Variants in C16orf89 observed in about 807,000 individuals in gnomAD.
C16orf89 encodes chromosome 16 open reading frame 89.
In C16orf89, 57 loss-of-function variants were observed where a neutral mutation model predicts 41.5. The observed-to-expected ratio is 1.38, with a 90% CI of 1.11 to 1.71. The LOEUF (loss-of-function observed/expected upper bound fraction) is 1.71, where lower values mean the gene tolerates loss of function less well. Among genes scored for constraint, C16orf89 ranks in the 40% most tolerant of loss-of-function variants. C16orf89 has a pLI of 0.00. For missense variants in C16orf89, 575 were observed against 445.9 expected (o/e 1.29, Z -2.61); for synonymous variants, 223 against 190.6 (o/e 1.17, Z -1.40).
At chr16:5,056,002 G>GTGTGT in intron 5 of C16orf89, 51 bp downstream of exon 5, 1 of 1,123,896 alleles carries the variant, frequency 8.9e-7, no homozygotes, top group South Asian at 1.4e-5. Flanking sequence ...TGTGTGTGTT[G>GTGTGT]GTGGGGGGAC....
intron 1 of C16orf89, among the ~76,000 whole-genome samples, chr16:5,064,297 G>T (rs2142682699): frequency 6.6e-6 from 1 of 152,280 alleles, no homozygotes; most frequent in South Asian, 2.1e-4. Context: ...ATGGGACGTA[G>T]ACCCTGCCCA....
chr16:5,055,858 C>G (rs1488831756), intron 5 of C16orf89, 195 bp downstream of exon 5: 4 of 1,287,012 alleles, frequency 3.1e-6, no homozygotes, highest in Non-Finnish European at 4.3e-6. Context: ...TAAACTTATA[C>G]TAAAAATGGA....
intron 7 of C16orf89, among the ~76,000 whole-genome samples, chr16:5,045,572 A>G (rs1162390919): frequency 6.6e-6 from 1 of 152,114 alleles, no homozygotes; most frequent in African/African-American, 2.4e-5. Flanking sequence ...GCAGATTTCA[A>G]GGTGCCGAAT....
intron 7 of C16orf89, among the ~76,000 whole-genome samples, chr16:5,046,238 G>A (rs1487914807): frequency 6.6e-6 from 1 of 152,222 alleles, no homozygotes. Flanking sequence ...GAGATGTTTA[G>A]TTACTGGAAT....
At chr16:5,050,174 C>G (rs1458247775) in intron 6 of C16orf89, among the ~76,000 whole-genome samples, 2 of 152,056 alleles carry the variant, frequency 1.3e-5, no homozygotes, top group Non-Finnish European at 2.9e-5. Context: ...TCGAGACCAG[C>G]CTGGTCAATA....
Position 5,056,026 on chromosome 16 carries a change from G to T in C16orf89, c.763+27C>A, listed in dbSNP as rs374969779. 136 of 1,568,438 alleles carry T rather than the reference G, an allele frequency of 8.7e-5. 1 individual carries two copies. Among genetic ancestry groups the T allele is most frequent in the Admixed American group, 2.4e-4 (14 of 58,686 alleles). ...TGGTGGGGGGACACCCTGTTCCTTTGCCCCGGGGGCAGAATGCTGGCCATA... is the reference window on the plus strand; with the variant it reads ...TGGTGGGGGGACACCCTGTTCCTTTTCCCCGGGGGCAGAATGCTGGCCATA... On this transcript the variant is annotated intron_variant, in intron 5 of 7. Transcript: ENST00000472572.
intron 1 of C16orf89, among the ~76,000 whole-genome samples, chr16:5,064,348 G>A (rs1007261496): frequency 2.6e-5 from 4 of 152,170 alleles, no homozygotes; most frequent in Non-Finnish European, 4.4e-5. Context: ...TGAGGAAGCC[G>A]TTGCTGCTAG....
In C16orf89 at chr16:5,044,585, A is replaced by G. The variant is rs1433907039; in HGVS notation, c.956-107T>C. The G allele has an allele frequency of 2.6e-6, 4 of 1,536,880 alleles. No homozygotes were observed. The Admixed American group carries it at 7.8e-5, about 30-fold the overall frequency. On this transcript the variant is annotated intron_variant, in intron 7 of 7. Coordinates refer to ENST00000472572, the MANE Select transcript of C16orf89 (RefSeq NM_001098514.3). ...CAGCCAGACGCGGTGGCTCACACCTATAATCCCACACTTTGGGAGCCTGAG... is the reference window on the plus strand; with the variant it reads ...CAGCCAGACGCGGTGGCTCACACCTGTAATCCCACACTTTGGGAGCCTGAG...
chr16:5,044,358 C>G lies in C16orf89; in HGVS notation c.1076G>C (p.Ser359Thr), dbSNP rs2142587279. 6.2e-7 allele frequency: 1 copy of G among 1,605,982 alleles called. No individual in the cohort carries two copies. Among genetic ancestry groups the G allele is most frequent in the Middle Eastern group, 2.0e-4 (1 of 4,980 alleles). The change falls in exon 8 of 8, where the codon AGC becomes ACC. Residue 359 changes from serine to threonine, a missense_variant. Physicochemically the swap from Ser to Thr is moderately conservative, Grantham distance 58 (BLOSUM62 1). Coordinates refer to ENST00000472572, the MANE Select transcript of C16orf89 (RefSeq NM_001098514.3). ...ATGGAACCGTCCGTCTCAGCGGCTG[C>G]TTGGTGGTGGCGGTGTGGATGGGTG... Reference protein sequence around the residue: ...EPHPSTPPPPSSR With the variant: ...EPHPSTPPPPTSR
At chr16:5,047,494 G>T (rs1395991311) in intron 7 of C16orf89, among the ~76,000 whole-genome samples, 1 of 150,616 alleles carries the variant, frequency 6.6e-6, no homozygotes, top group Non-Finnish European at 1.5e-5. Context: ...TTGAGACAGG[G>T]TCTTGCTCTG....
chr16:5,057,882 CTCTT>C (rs1567156826), intron 4 of C16orf89, among the ~76,000 whole-genome samples: 1 of 151,960 alleles, frequency 6.6e-6, no homozygotes, highest in Non-Finnish European at 1.5e-5. Context: ...CTTTTATTCT[CTCTT>C]TCTCTCTCTC....
rs1028456080 is a variant in C16orf89 at position 5,062,292 on chromosome 16, A to G, written c.358+133T>C. On this transcript the variant is annotated intron_variant, in intron 2 of 7. Coordinates refer to ENST00000472572, the MANE Select transcript of C16orf89 (RefSeq NM_001098514.3). ...CCCAGGGCTCGTCTGTGGCTTGCTC[A>G]GCAGACAGGTCCAAGTTGGTTACGG... 2.4e-4 allele frequency: 276 copies of G among 1,163,944 alleles called. No homozygotes were observed. The African/African-American group carries it at 3.9e-3, about 17-fold the overall frequency. 72.1% of individuals were successfully genotyped at this position (1,163,944 alleles called of 1,614,324 possible).
intron 1 of C16orf89, among the ~76,000 whole-genome samples, chr16:5,064,957 G>T (rs1043934701): frequency 6.6e-6 from 1 of 152,232 alleles, no homozygotes; most frequent in East Asian, 1.9e-4. Flanking sequence ...CACCTGGGTT[G>T]TGCCCACATT....
At chr16:5,060,228 A>AC in intron 3 of C16orf89, 58 bp downstream of exon 3, 1 of 1,538,708 alleles carries the variant, frequency 6.5e-7, no homozygotes, top group Admixed American at 1.8e-5. Context: ...GCGGGACAGG[A>AC]CCAGCTGAGA....
chr16:5,049,400 A>C (rs1184139539), intron 6 of C16orf89, among the ~76,000 whole-genome samples: 1 of 152,250 alleles, frequency 6.6e-6, no homozygotes, highest in African/African-American at 2.4e-5. Flanking sequence ...TGCAGAATAT[A>C]TATTCTTCTC....
In C16orf89 at chr16:5,045,169, C is replaced by T. The variant is rs1423224658; in HGVS notation, c.956-691G>A. ...TTAGCCTGCTTCCCTGACTTACGTACCTCAATAAACCCACGCACCGGAGTC... is the reference window on the plus strand; with the variant it reads ...TTAGCCTGCTTCCCTGACTTACGTATCTCAATAAACCCACGCACCGGAGTC... On this transcript the variant is annotated intron_variant, in intron 7 of 7. Coordinates refer to ENST00000472572, the MANE Select transcript of C16orf89 (RefSeq NM_001098514.3). Among the ~76,000 whole-genome samples the T allele has an allele frequency of 8.5e-5, 13 of 152,346 alleles. No homozygotes were observed. In the South Asian group the frequency reaches 1.2e-3, roughly 15 times the overall value.
At chr16:5,052,099 CAAAAAAAAA>C (rs35641084) in intron 6 of C16orf89, among the ~76,000 whole-genome samples, 5 of 78,732 alleles carry the variant, frequency 6.4e-5, no homozygotes, top group African/African-American at 2.5e-4. Context: ...GAGACTGTCT[CAAAAAAAAA>C]AAAAAAAAAA....
intron 5 of C16orf89, chr16:5,055,631 C>T (rs1259356869): frequency 6.8e-7 from 1 of 1,471,992 alleles, no homozygotes; most frequent in Non-Finnish European, 9.1e-7. Context: ...AGCAGCCTCC[C>T]AAGCGCTCCC....
At chr16:5,060,474 G>A in intron 2 of C16orf89, 38 bp from the exon 3 acceptor site, 1 of 1,587,548 alleles carries the variant, frequency 6.3e-7, no homozygotes, top group Non-Finnish European at 8.6e-7. Flanking sequence ...GGGGTGTGGG[G>A]GTGACCCAGG....
Sources: allele counts gnomAD v4.1 joint callset (sites outside exome capture counted in the v4.1 genomes callset), GRCh38; gene constraint gnomAD v4.1.1; transcripts MANE v1.5; gene names NCBI Gene and HGNC (gene_info 2026-07-23, HGNC 2026-07-21).